The following TYW3 variants were observed in gnomAD, a reference collection of about 807,000 sequenced individuals.
The protein encoded by TYW3 is tRNA wybutosine-synthesizing protein 3 homolog.
Under a neutral mutation model 23.1 loss-of-function variants are expected in TYW3, and 26 were observed. That is an observed-to-expected ratio of 1.13 (90% CI 0.83 to 1.56). The LOEUF is 1.56. Among genes scored for constraint, TYW3 ranks in the 40% most tolerant of loss-of-function variants. The probability of loss-of-function intolerance (pLI) is 0.00; values close to 1 mark genes in which losing one functional copy is unlikely to be tolerated. For missense variants in TYW3, 316 were observed against 311.9 expected (o/e 1.01, Z -0.10); for synonymous variants, 102 against 105.7 (o/e 0.97, Z 0.21).
intron 1 of TYW3, among the ~76,000 whole-genome samples, chr1:74,735,186 A>G (rs1262005801): frequency 5.3e-5 from 8 of 152,112 alleles, no homozygotes; most frequent in Non-Finnish European, 1.2e-4. Flanking sequence ...TTTATTACAC[A>G]TTTTTCTACA....
intron 2 of TYW3, among the ~76,000 whole-genome samples, chr1:74,736,843 G>T (rs1648171860): frequency 6.6e-6 from 1 of 152,138 alleles, no homozygotes; most frequent in Admixed American, 6.5e-5. Context: ...CATCCTCTTG[G>T]ACACAGCAGA....
rs562971799 is a variant in TYW3, at chr1:74,747,861, G to A, written c.355-890G>A. On this transcript the variant is annotated intron_variant, in intron 3 of 5. Coordinates refer to ENST00000370867, the MANE Select transcript of TYW3 (RefSeq NM_138467.3). ...TATATATGTGTATACACATATGTAT[G>A]TATACATACACATACACACACATAT... 3.1e-3 allele frequency among the ~76,000 whole-genome samples: 452 copies of A among 144,932 alleles called. 1 individual carries two copies. The highest frequency in any genetic ancestry group is 5.8e-3 in the Non-Finnish European group (378 of 64,658).
intron 4 of TYW3, chr1:74,750,200 C>T (rs1648732302): frequency 6.6e-6 from 1 of 152,224 alleles, no homozygotes; most frequent in Admixed American, 6.5e-5. Flanking sequence ...TGTCTCCCGA[C>T]TAGTCTTCTT....
intron 2 of TYW3, among the ~76,000 whole-genome samples, chr1:74,738,396 T>C (rs1648226275): frequency 6.6e-6 from 1 of 152,202 alleles, no homozygotes; most frequent in Admixed American, 6.5e-5. Flanking sequence ...CTACATTTCC[T>C]AATGAAAAAT....
At chr1:74,736,458 A>T (rs890461358) in intron 1 of TYW3, 84 bp from the exon 2 acceptor site, 2 of 905,850 alleles carry the variant, frequency 2.2e-6, no homozygotes, top group Non-Finnish European at 3.1e-6. Context: ...TTAATTTAAG[A>T]AAGCCTACAA....
At chr1:74,751,602 G>A (rs1268510037) in intron 4 of TYW3, among the ~76,000 whole-genome samples, 1 of 151,996 alleles carries the variant, frequency 6.6e-6, no homozygotes, top group African/African-American at 2.4e-5. Context: ...CCTGGGAGGC[G>A]GAGGTTGCTG....
chr1:74,747,359 C>T (rs970801731), intron 3 of TYW3, among the ~76,000 whole-genome samples: 46 of 152,200 alleles, frequency 3.0e-4, no homozygotes, highest in African/African-American at 9.9e-4. Context: ...AAGACCGGGC[C>T]AGGCGCGGTG....
At chr1:74,756,837 G>T (rs1243674028) in intron 5 of TYW3, among the ~76,000 whole-genome samples, 1 of 152,210 alleles carries the variant, frequency 6.6e-6, no homozygotes, top group African/African-American at 2.4e-5. Context: ...GGAGGAAAAA[G>T]TGGTTTTGTG....
At chr1:74,735,394 C>T (rs1648117902) in intron 1 of TYW3, among the ~76,000 whole-genome samples, 1 of 152,072 alleles carries the variant, frequency 6.6e-6, no homozygotes, top group Non-Finnish European at 1.5e-5. Context: ...CAAAACTCCC[C>T]TCTCCCACCT....
chr1:74,763,667 G>A (rs1455473233), intron 5 of TYW3, among the ~76,000 whole-genome samples: 4 of 152,050 alleles, frequency 2.6e-5, no homozygotes, highest in Non-Finnish European at 5.9e-5. Context: ...TGGAAAGTGA[G>A]GTAGGACAGA....
At chr1:74,742,698 T>G (rs28804435) in intron 3 of TYW3, among the ~76,000 whole-genome samples, 52,945 of 152,068 alleles carry the variant, frequency 0.35, 11,567 homozygotes, top group Non-Finnish European at 0.49. Context: ...ATAATTTCCT[T>G]GTGGTATTTA....
Position 74,765,444 on chromosome 1 carries a change from T to G in TYW3, c.*1331T>G, listed in dbSNP as rs1341707468. 6.6e-6 allele frequency: 1 copy of G among 152,082 alleles called. No homozygotes were observed. The highest frequency in any genetic ancestry group is 1.5e-5 in the Non-Finnish European group (1 of 68,010). The allele number at this position is 152,082 out of a possible 1,614,324, so 9.4% of individuals were successfully genotyped here. A position where few individuals can be genotyped will look rare whatever the true frequency, so the allele number is the denominator to read the frequency against. On this transcript the variant is annotated 3_prime_UTR_variant, in exon 6 of 6. Transcript: ENST00000370867. ...GGGAACATTCCCCTAGATGACAATG[T>G]CAGTGGCACTCGAAGTTGTGCAGTG... is the stretch of plus-strand genomic sequence containing the variant.
At chr1:74,744,564 A>G (rs72677712) in intron 3 of TYW3, among the ~76,000 whole-genome samples, 9 of 152,300 alleles carry the variant, frequency 5.9e-5, no homozygotes, top group Admixed American at 2.0e-4. Flanking sequence ...AAGCGGTCCA[A>G]TGGTACTCAC....
At chr1:74,733,782 G>C (rs891569380) in intron 1 of TYW3, among the ~76,000 whole-genome samples, 1 of 152,188 alleles carries the variant, frequency 6.6e-6, no homozygotes, top group Non-Finnish European at 1.5e-5. Flanking sequence ...GGAATCTAAA[G>C]ACTTTGTAGC....
intron 3 of TYW3, among the ~76,000 whole-genome samples, chr1:74,740,135 T>C (rs946910648): frequency 6.6e-6 from 1 of 152,234 alleles, no homozygotes; most frequent in African/African-American, 2.4e-5. Context: ...AAAGATGGTA[T>C]GTCCGGAGTT....
chr1:74,762,038 T>A (rs79599340), intron 5 of TYW3, among the ~76,000 whole-genome samples: 4 of 152,112 alleles, frequency 2.6e-5, no homozygotes, highest in African/African-American at 9.7e-5. Context: ...CTCAGTCTTT[T>A]TAAATTTAAC....
rs1649227252 is a variant in TYW3, at chr1:74,764,295, C to T, written c.*182C>T. On this transcript the variant is annotated 3_prime_UTR_variant, in exon 6 of 6. Coordinates refer to ENST00000370867, the MANE Select transcript of TYW3 (RefSeq NM_138467.3). ...GTGCAGTTGTCATCTAAGCTCTCAG[C>T]AGTACCCGGCTTATCCTACGACTTC... 7.7e-6 allele frequency: 4 copies of T among 522,036 alleles called. No homozygotes were observed. In the South Asian group the frequency reaches 1.2e-4, roughly 16 times the overall value. The allele number at this position is 522,036 out of a possible 1,614,324, so 32.3% of individuals were successfully genotyped here. A position where few individuals can be genotyped will look rare whatever the true frequency, so the allele number is the denominator to read the frequency against.
intron 3 of TYW3, among the ~76,000 whole-genome samples, chr1:74,743,668 G>T (rs1570058844): frequency 6.6e-6 from 1 of 152,250 alleles, no homozygotes; most frequent in East Asian, 1.9e-4. Flanking sequence ...CAGTCCCCAT[G>T]ATCTGAGTCG....
intron 2 of TYW3, 52 bp downstream of exon 2, chr1:74,736,674 A>G (rs1198333937): frequency 7.3e-7 from 1 of 1,377,168 alleles, no homozygotes; most frequent in Non-Finnish European, 1.0e-6. Flanking sequence ...CAGTTACTTT[A>G]AATACATATG....
Sources: allele counts gnomAD v4.1 joint callset (sites outside exome capture counted in the v4.1 genomes callset), GRCh38; gene constraint gnomAD v4.1.1; transcripts MANE v1.5; gene names NCBI Gene and HGNC (gene_info 2026-07-23, HGNC 2026-07-21).